The following FBXO34 variants were observed in gnomAD, a reference collection of about 807,000 sequenced individuals.
FBXO34 encodes the protein F-box protein 34.
FBXO34 carries 12 observed loss-of-function variants against 24.5 expected under a neutral mutation model. The ratio of observed to expected loss-of-function variants is 0.49; its 90% CI spans 0.31 to 0.79. The LOEUF (loss-of-function observed/expected upper bound fraction) is 0.79. Ranked by LOEUF, FBXO34 falls within the 30% of genes least tolerant of loss-of-function variation. The pLI, the probability that FBXO34 is intolerant of heterozygous loss-of-function variation, is 0.04. For missense variants in FBXO34, 823 were observed against 857.7 expected, an observed-to-expected ratio of 0.96 and a Z score of 0.51; for synonymous variants, 320 against 311.9, an observed-to-expected ratio of 1.03 and a Z score of -0.27.
intron 1 of FBXO34, among the ~76,000 whole-genome samples, chr14:55,308,500 ATTATCT>A (rs1882629313): frequency 6.6e-6 from 1 of 152,220 alleles, no homozygotes; most frequent in Non-Finnish European, 1.5e-5. Context: ...AGTCGGGTTA[ATTATCT>A]TTATTTTACA....
intron 1 of FBXO34, among the ~76,000 whole-genome samples, chr14:55,299,518 T>C (rs1170568228): frequency 1.3e-5 from 2 of 152,154 alleles, no homozygotes; most frequent in Admixed American, 1.3e-4. Flanking sequence ...ATTCTAGATA[T>C]GTCATATTGG....
At chr14:55,436,858 T>C in the FBXO34 span, 3 of 1,614,238 alleles carry the variant, frequency 1.9e-6, no homozygotes, top group Non-Finnish European at 2.5e-6. Context: ...GGTAACTTCA[T>C]CTGGTAGGAA....
chr14:55,440,634 G>A, the FBXO34 span: 1 of 1,394,862 alleles, frequency 7.2e-7, no homozygotes, highest in Non-Finnish European at 9.5e-7. Flanking sequence ...TGGGCTTGGA[G>A]CGGGATGCGG....
At chr14:55,399,248 TA>T in the FBXO34 span, among the ~76,000 whole-genome samples, 2 of 152,200 alleles carry the variant, frequency 1.3e-5, no homozygotes, top group Non-Finnish European at 2.9e-5. Context: ...TATATACTTA[TA>T]ATGTGACTAT....
chr14:55,367,170 A>G (rs541798570), exon 3 of FBXO34: 3 of 152,382 alleles, frequency 2.0e-5, no homozygotes, highest in Non-Finnish European at 2.9e-5. Flanking sequence ...TCATGGTTTC[A>G]TAAGAGGCTT....
the FBXO34 span, among the ~76,000 whole-genome samples, chr14:55,423,438 GC>G: frequency 6.6e-6 from 1 of 152,212 alleles, no homozygotes; most frequent in Non-Finnish European, 1.5e-5. Context: ...GGTAAAAGCA[GC>G]CAAATGTCTG....
intron 1 of FBXO34, among the ~76,000 whole-genome samples, chr14:55,316,926 T>A (rs1477664853): frequency 7.2e-5 from 11 of 152,208 alleles, no homozygotes. Flanking sequence ...TTGCTCATAT[T>A]CAATAGTGAG....
At chr14:55,441,367 G>A in the FBXO34 span, among the ~76,000 whole-genome samples, 1 of 151,726 alleles carries the variant, frequency 6.6e-6, no homozygotes, top group East Asian at 1.9e-4. Context: ...TGTTACCTAG[G>A]CTGGTCCTGG....
downstream of FBXO34, chr14:55,369,947 C>G: frequency 6.4e-7 from 1 of 1,569,140 alleles, no homozygotes; most frequent in African/African-American, 1.4e-5. Context: ...CAATGAGGGT[C>G]TCTTTAGGAT....
chr14:55,295,554 C>G (rs1203829683), intron 1 of FBXO34, among the ~76,000 whole-genome samples: 2 of 151,920 alleles, frequency 1.3e-5, no homozygotes, highest in Admixed American at 1.3e-4. Context: ...ACCACCATGC[C>G]CAGCTAGTTT....
At chr14:55,295,387 ATTTTTT>A (rs3051307) in intron 1 of FBXO34, among the ~76,000 whole-genome samples, 3 of 91,408 alleles carry the variant, frequency 3.3e-5, no homozygotes, top group Non-Finnish European at 4.0e-5. Context: ...ATTCTTTTCT[ATTTTTT>A]TTTTTTTTTT....
intron 1 of FBXO34, among the ~76,000 whole-genome samples, chr14:55,280,379 AT>A (rs1881492170): frequency 6.6e-6 from 1 of 151,996 alleles, no homozygotes; most frequent in Non-Finnish European, 1.5e-5. Context: ...TGTACAGATT[AT>A]TTTTTTCTTG....
At chr14:55,414,488 A>G in the FBXO34 span, 1 of 1,459,612 alleles carries the variant, frequency 6.9e-7, no homozygotes, top group Non-Finnish European at 9.3e-7. Context: ...ATAATTTTTA[A>G]TATAAAAATA....
chr14:55,290,766 T>C (rs1262470852), intron 1 of FBXO34, among the ~76,000 whole-genome samples: 4 of 152,214 alleles, frequency 2.6e-5, no homozygotes, highest in African/African-American at 9.6e-5. Context: ...ATGCAGTCTT[T>C]ATTATCTTTT....
downstream of FBXO34, chr14:55,370,055 A>C: frequency 1.3e-6 from 1 of 774,158 alleles, no homozygotes; most frequent in Non-Finnish European, 1.9e-6. Context: ...CCCCAAGTCT[A>C]TGCAGCACTC....
chr14:55,331,685 GTGTATA>G (rs1409891577), intron 1 of FBXO34, among the ~76,000 whole-genome samples: 2 of 31,894 alleles, frequency 6.3e-5, no homozygotes. Context: ...ATATATATAT[GTGTATA>G]TATATATATA....
chr14:55,391,900 C>T, the FBXO34 span, among the ~76,000 whole-genome samples: 147 of 152,306 alleles, frequency 9.7e-4, 4 homozygotes, highest in East Asian at 0.02. Context: ...CAGTGCATAA[C>T]TCAAGTAAGA....
At chr14:55,326,055 T>C (rs1180394519) in intron 1 of FBXO34, 5 of 152,248 alleles carry the variant, frequency 3.3e-5, no homozygotes, top group Non-Finnish European at 7.3e-5. Context: ...ATACCTTTTT[T>C]GTACACTTGA....
intron 1 of FBXO34, among the ~76,000 whole-genome samples, chr14:55,281,255 TAAAA>T (rs533626777): frequency 2.0e-5 from 2 of 98,456 alleles, no homozygotes; most frequent in African/African-American, 3.9e-5. Context: ...CCCGACTCCT[TAAAA>T]AAAAAAAAAA....
Sources: gnomAD v4.1 joint callset for allele counts (sites outside exome capture counted in the v4.1 genomes callset) on GRCh38, gnomAD v4.1.1 for gene constraint, MANE v1.5 for transcripts, NCBI Gene and HGNC (gene_info 2026-07-23, HGNC 2026-07-21) for gene names.